The following DNAH14 variants were observed in gnomAD, a reference collection of about 807,000 sequenced individuals.
DNAH14 encodes the protein axonemal beta dynein heavy chain 14.
Under a neutral mutation model 520.9 loss-of-function variants are expected in DNAH14, and 478 were observed. The ratio of observed to expected loss-of-function variants is 0.92; its 90% CI spans 0.85 to 0.99. The LOEUF is 0.99. DNAH14 is among the 50% of genes least tolerant of loss of function. DNAH14 has a pLI of 0.00. For synonymous variants in DNAH14, 1,581 were observed against 1,757.2 expected (o/e 0.90, Z 2.51); for missense variants, 4,831 against 5,234.5 (o/e 0.92, Z 2.38).
chr1:224,944,438 T>G lies in DNAH14; in HGVS notation c.-33-8232T>G, dbSNP rs567613021. Among the ~76,000 whole-genome samples, 204 of 152,356 alleles carry G rather than the reference T, an allele frequency of 1.3e-3. 8 individuals are homozygous for G. In the South Asian group the frequency reaches 0.041, roughly 31 times the overall value. On this transcript the variant is annotated intron_variant, in intron 1 of 85. Transcript: ENST00000682510. Reference sequence around the variant, plus strand: ...ACAGCACACTGATGGGTCTTGACTCTTTATCCAGCTTGCCAGTCTGTGTCT... The same window carrying G: ...ACAGCACACTGATGGGTCTTGACTCGTTATCCAGCTTGCCAGTCTGTGTCT...
At chr1:225,063,228 TC>T (rs1378953283) in intron 17 of DNAH14, among the ~76,000 whole-genome samples, 20 of 152,102 alleles carry the variant, frequency 1.3e-4, no homozygotes, top group Admixed American at 1.3e-3. Context: ...GATACCAAAA[TC>T]CATAGATACT....
intron 49 of DNAH14, among the ~76,000 whole-genome samples, chr1:225,268,975 C>A (rs924298545): frequency 1.3e-5 from 2 of 152,208 alleles, no homozygotes; most frequent in Admixed American, 1.3e-4. Flanking sequence ...TTGGAAAAAA[C>A]TACTTTAAAA....
intron 17 of DNAH14, among the ~76,000 whole-genome samples, chr1:225,060,524 A>G (rs545915068): frequency 2.6e-5 from 4 of 152,260 alleles, no homozygotes; most frequent in African/African-American, 9.6e-5. Context: ...CGTCAAAGTC[A>G]TTCTCCATCC....
intron 17 of DNAH14, among the ~76,000 whole-genome samples, chr1:225,056,651 C>T (rs2069137396): frequency 6.6e-6 from 1 of 151,912 alleles, no homozygotes; most frequent in South Asian, 2.1e-4. Context: ...TTCTAGGGTT[C>T]TTATGGTTTT....
rs1211979090 is a variant in DNAH14 at position 225,126,995 on chromosome 1, A to C, written c.4254+3381A>C. Among the ~76,000 whole-genome samples, 1,129 of 134,778 alleles carry C rather than the reference A, an allele frequency of 8.4e-3. 18 individuals are homozygous for C. The highest frequency in any genetic ancestry group is 6.4e-3 in the Non-Finnish European group (407 of 63,558). The allele number at this position is 134,778 out of a possible 152,430, so 88.4% of individuals were successfully genotyped here. ...GTAGTCATTCAGGAGCAGGTTGTTC[A>C]GTTTCCATGTAGTTGAGCGGTTTTG... On this transcript the variant is annotated intron_variant, in intron 27 of 85. Coordinates refer to ENST00000682510, the MANE Select transcript of DNAH14 (RefSeq NM_001367479.1).
chr1:224,987,854 C>G (rs2062753557), intron 8 of DNAH14, among the ~76,000 whole-genome samples: 1 of 152,120 alleles, frequency 6.6e-6, no homozygotes, highest in South Asian at 2.1e-4. Flanking sequence ...TCTCGAACTC[C>G]TGACCTCATG....
chr1:224,950,284 G>A (rs186357516), intron 1 of DNAH14, among the ~76,000 whole-genome samples: 6 of 152,102 alleles, frequency 3.9e-5, no homozygotes, highest in African/African-American at 1.2e-4. Context: ...TTTTATGTCT[G>A]TGTTGGTGGG....
chr1:224,988,044 C>G (rs2062767797), intron 8 of DNAH14, among the ~76,000 whole-genome samples: 1 of 151,676 alleles, frequency 6.6e-6, no homozygotes, highest in Non-Finnish European at 1.5e-5. Flanking sequence ...TTTCCTAATG[C>G]TCTCCCTCCC....
chr1:225,306,648 C>T (rs906107764), intron 58 of DNAH14, among the ~76,000 whole-genome samples: 3 of 152,086 alleles, frequency 2.0e-5, no homozygotes, highest in Non-Finnish European at 2.9e-5. Flanking sequence ...TTTTCCATTC[C>T]TCCTCATGTC....
At chr1:225,297,238 T>C (rs1306390048) in intron 55 of DNAH14, among the ~76,000 whole-genome samples, 1 of 152,182 alleles carries the variant, frequency 6.6e-6, no homozygotes, top group African/African-American at 2.4e-5. Context: ...TATATCTCCC[T>C]ATTGAATTTC....
chr1:225,208,078 T>A (rs769012437), intron 41 of DNAH14, among the ~76,000 whole-genome samples: 12 of 152,114 alleles, frequency 7.9e-5, no homozygotes, highest in Non-Finnish European at 1.5e-4. Flanking sequence ...CCTTCAAATC[T>A]TAAACCAAGA....
rs745899030 is a variant in DNAH14 at position 225,080,329 on chromosome 1, C to T, written c.2767-50C>T. On this transcript the variant is annotated intron_variant, in intron 18 of 85. Transcript: ENST00000682510. ...TGCTTTCACTGCCAGTAAAACAGTA[C>T]GTTCTAGACATACTGATTTCTCTTA... The T allele has an allele frequency of 9.8e-6, 14 of 1,432,782 alleles. No individual in the cohort carries two copies. In the Admixed American group the frequency reaches 2.0e-4, roughly 21 times the overall value. 88.8% of individuals were successfully genotyped at this position (1,432,782 alleles called of 1,614,324 possible).
chr1:225,211,716 G>GA (rs1162161890), intron 41 of DNAH14, among the ~76,000 whole-genome samples: 2 of 151,576 alleles, frequency 1.3e-5, no homozygotes, highest in Non-Finnish European at 2.9e-5. Context: ...AGGTTGAAAT[G>GA]AAAAAAAATC....
At position 225,061,117 on chromosome 1, in the gene DNAH14, G is replaced by A. The variant is rs577773291; in HGVS notation, c.2424+9322G>A. On this transcript the variant is annotated intron_variant, in intron 17 of 85. Coordinates refer to ENST00000682510, the MANE Select transcript of DNAH14 (RefSeq NM_001367479.1). ...GCTATGCCCTGCCCCCAGAGGTGGAGTCTACAGAGGCAGGCAGCCCTCCTT... is the reference window on the plus strand; with the variant it reads ...GCTATGCCCTGCCCCCAGAGGTGGAATCTACAGAGGCAGGCAGCCCTCCTT... Among the ~76,000 whole-genome samples the A allele has an allele frequency of 4.6e-5, 7 of 152,348 alleles. No homozygotes were observed. In the East Asian group the frequency reaches 1.2e-3, roughly 25 times the overall value.
At chr1:225,127,418 A>G (rs56043500) in intron 27 of DNAH14, among the ~76,000 whole-genome samples, 1 of 151,832 alleles carries the variant, frequency 6.6e-6, no homozygotes, top group Non-Finnish European at 1.5e-5. Flanking sequence ...TATATTTAGG[A>G]TAGTTAGCTC....
At chr1:225,046,190 C>G (rs1217993542) in intron 15 of DNAH14, among the ~76,000 whole-genome samples, 3 of 151,568 alleles carry the variant, frequency 2.0e-5, no homozygotes, top group Non-Finnish European at 4.4e-5. Context: ...ATTTAAATCA[C>G]CCCATTTCAA....
intron 8 of DNAH14, 91 bp downstream of exon 8, chr1:224,974,244 C>G (rs538051217): frequency 8.8e-5 from 73 of 825,774 alleles, no homozygotes; most frequent in Non-Finnish European, 1.2e-4. Context: ...CATTTTCATT[C>G]AGTGATTAGA....
intron 8 of DNAH14, among the ~76,000 whole-genome samples, chr1:225,001,529 ATT>A (rs1019167238): frequency 2.4e-4 from 36 of 152,044 alleles, no homozygotes; most frequent in African/African-American, 7.2e-4. Context: ...TCAATGTGTT[ATT>A]TTTTTCTTGT....
chr1:225,055,866 C>T (rs559066136), intron 17 of DNAH14, among the ~76,000 whole-genome samples: 18 of 152,068 alleles, frequency 1.2e-4, no homozygotes, highest in Non-Finnish European at 2.5e-4. Context: ...GACATGAACT[C>T]ATCATTTTTT....
Sources: gnomAD v4.1 joint callset for allele counts (sites outside exome capture counted in the v4.1 genomes callset) on GRCh38, gnomAD v4.1.1 for gene constraint, MANE v1.5 for transcripts, NCBI Gene and HGNC (gene_info 2026-07-23, HGNC 2026-07-21) for gene names.